Variants in FMN1 observed in about 807,000 individuals in gnomAD.
FMN1 encodes formin 1.
In FMN1, 110 loss-of-function variants were observed where a neutral mutation model predicts 132.4. The ratio of observed to expected loss-of-function variants is 0.83; its 90% CI spans 0.71 to 0.97. The LOEUF (loss-of-function observed/expected upper bound fraction) is 0.97. Among genes scored for constraint, FMN1 ranks in the 50% least tolerant of loss-of-function variants. The pLI is 0.00. For missense variants in FMN1, 1,792 were observed against 1,705.3 expected (o/e 1.05, Z -0.90); for synonymous variants, 722 against 651.7 (o/e 1.11, Z -1.64).
chr15:33,082,907 T>C lies in FMN1; in HGVS notation c.2043+5892A>G, dbSNP rs541959247. Reference sequence around the variant, plus strand: ...AAAAAAACCAAAAAATTTTGTAATATAGGCATGTCCCATACAATATTTGGA... The same window carrying C: ...AAAAAAACCAAAAAATTTTGTAATACAGGCATGTCCCATACAATATTTGGA... On this transcript the variant is annotated intron_variant, in intron 5 of 20. Coordinates refer to ENST00000616417, the MANE Select transcript of FMN1 (RefSeq NM_001277313.2). Among the ~76,000 whole-genome samples, 3 of 152,054 alleles carry C rather than the reference T, an allele frequency of 2.0e-5. No homozygotes were observed. In the South Asian group the frequency reaches 6.2e-4, roughly 31 times the overall value.
intron 18 of FMN1, 133 bp from the exon 19 acceptor site, chr15:32,799,086 G>A: frequency 1.5e-6 from 1 of 670,976 alleles, no homozygotes; most frequent in South Asian, 2.1e-5. Flanking sequence ...GGGGCTCATA[G>A]TTACTGAAGT....
At chr15:32,855,402 T>C (rs1367874206) in intron 17 of FMN1, among the ~76,000 whole-genome samples, 1 of 152,174 alleles carries the variant, frequency 6.6e-6, no homozygotes, top group Admixed American at 6.5e-5. Context: ...ATAAATTCCC[T>C]TTCTCTGAAT....
At chr15:32,976,071 G>A (rs1288557711) in intron 7 of FMN1, among the ~76,000 whole-genome samples, 2 of 152,076 alleles carry the variant, frequency 1.3e-5, no homozygotes, top group Non-Finnish European at 2.9e-5. Flanking sequence ...AAAATCATCC[G>A]TTAGCATTTT....
At chr15:32,950,056 T>TATACAC (rs2061613718) in intron 9 of FMN1, among the ~76,000 whole-genome samples, 1 of 71,680 alleles carries the variant, frequency 1.4e-5, no homozygotes, top group Non-Finnish European at 2.5e-5. Context: ...TATATACACA[T>TATACAC]ATATATATAT....
intron 19 of FMN1, among the ~76,000 whole-genome samples, chr15:32,785,710 CT>C (rs2056855370): frequency 6.6e-6 from 1 of 152,034 alleles, no homozygotes; most frequent in Non-Finnish European, 1.5e-5. Flanking sequence ...AACTTTTGGC[CT>C]CTAATGCTAC....
chr15:33,153,289 T>G lies in FMN1; in HGVS notation c.1626A>C (p.Ala542=). 6.5e-7 allele frequency: 1 copy of G among 1,536,118 alleles called. No homozygotes were observed. Residue 542 remains alanine, a synonymous_variant, in exon 4 of 21, where the codon GCA becomes GCC. Coordinates refer to ENST00000616417, the MANE Select transcript of FMN1 (RefSeq NM_001277313.2). ...QQHHRILRLP[A]LPGEREAALN... Reference sequence around the variant, plus strand: ...GAGCAGCTTCCCTCTCACCAGGCAATGCAGGGAGCCGGAGGATCCTGTGAT... The same window carrying G: ...GAGCAGCTTCCCTCTCACCAGGCAAGGCAGGGAGCCGGAGGATCCTGTGAT...
intron 17 of FMN1, among the ~76,000 whole-genome samples, chr15:32,825,416 G>A (rs1338435037): frequency 6.6e-6 from 1 of 152,186 alleles, no homozygotes; most frequent in Non-Finnish European, 1.5e-5. Flanking sequence ...CCTCAGGGCT[G>A]CCAATCATGG....
Position 33,065,166 on chromosome 15 carries a change from T to C in FMN1, c.2044-92A>G. ...ATGCTAAACCTAATTCTGAAGTTAA[T>C]TTTAATGGCTAGTTGCACATTGCTC... On this transcript the variant is annotated intron_variant, in intron 5 of 20. Coordinates refer to ENST00000616417, the MANE Select transcript of FMN1 (RefSeq NM_001277313.2). 3 of 761,394 alleles carry C rather than the reference T, an allele frequency of 3.9e-6. No homozygotes were observed. In the South Asian group the frequency reaches 6.1e-5, roughly 16 times the overall value. The allele number at this position is 761,394 out of a possible 1,614,324, so 47.2% of individuals were successfully genotyped here. A position where few individuals can be genotyped will look rare whatever the true frequency, so the allele number is the denominator to read the frequency against.
intron 7 of FMN1, among the ~76,000 whole-genome samples, chr15:32,991,986 T>C (rs187771095): frequency 5.9e-5 from 9 of 152,318 alleles, no homozygotes; most frequent in Middle Eastern, 3.4e-3. Flanking sequence ...GTTTTTACCA[T>C]GAACTATAGA....
intron 10 of FMN1, among the ~76,000 whole-genome samples, chr15:32,912,323 C>T (rs1159274918): frequency 6.6e-6 from 1 of 152,058 alleles, no homozygotes; most frequent in African/African-American, 2.4e-5. Context: ...AAAATAACAC[C>T]CAGAGAGGTT....
At chr15:33,146,045 G>T (rs577372090) in intron 4 of FMN1, among the ~76,000 whole-genome samples, 1 of 149,416 alleles carries the variant, frequency 6.7e-6, no homozygotes, top group African/African-American at 2.5e-5. Flanking sequence ...GTGCAATCTC[G>T]GCTCACTGTA....
intron 9 of FMN1, among the ~76,000 whole-genome samples, chr15:32,954,696 C>T (rs966298359): frequency 2.6e-5 from 4 of 152,098 alleles, no homozygotes; most frequent in African/African-American, 9.7e-5. Context: ...CAGACGAATG[C>T]CCATTTATCA....
chr15:32,846,475 C>T (rs1467141927), intron 17 of FMN1, among the ~76,000 whole-genome samples: 6 of 152,208 alleles, frequency 3.9e-5, no homozygotes, highest in Non-Finnish European at 8.8e-5. Context: ...TTCAACATCA[C>T]TGATCATTAG....
chr15:33,096,083 G>C (rs1206484903), intron 4 of FMN1, among the ~76,000 whole-genome samples: 2 of 151,622 alleles, frequency 1.3e-5, no homozygotes, highest in Non-Finnish European at 2.9e-5. Context: ...ATACAATATG[G>C]CTCTGAGTGT....
intron 6 of FMN1, among the ~76,000 whole-genome samples, chr15:33,045,927 G>A (rs2036659480): frequency 6.6e-6 from 1 of 152,158 alleles, no homozygotes; most frequent in Non-Finnish European, 1.5e-5. Flanking sequence ...CCAAAGTGCT[G>A]GGATTACAGG....
chr15:33,005,800 A>C (rs1305213070), intron 7 of FMN1, among the ~76,000 whole-genome samples: 1 of 152,126 alleles, frequency 6.6e-6, no homozygotes, highest in Non-Finnish European at 1.5e-5. Context: ...TCCCCTACCA[A>C]TTTCAGTTCC....
chr15:32,821,944 C>T (rs191511000), intron 17 of FMN1, among the ~76,000 whole-genome samples: 26 of 152,298 alleles, frequency 1.7e-4, no homozygotes, highest in Non-Finnish European at 2.6e-4. Context: ...CATTATCAAA[C>T]ACAAATGCTT....
intron 4 of FMN1, among the ~76,000 whole-genome samples, chr15:33,145,918 C>T (rs951769049): frequency 1.3e-5 from 2 of 151,850 alleles, no homozygotes; most frequent in South Asian, 2.1e-4. Context: ...AGAAAAAATA[C>T]GTGAAATCTG....
chr15:32,952,228 T>A (rs915598672), intron 9 of FMN1, among the ~76,000 whole-genome samples: 17 of 152,228 alleles, frequency 1.1e-4, no homozygotes, highest in African/African-American at 4.1e-4. Context: ...AATGTCTTAC[T>A]AAAGCATTCT....
Sources: gnomAD v4.1 joint callset for allele counts (sites outside exome capture counted in the v4.1 genomes callset) on GRCh38, gnomAD v4.1.1 for gene constraint, MANE v1.5 for transcripts, NCBI Gene and HGNC (gene_info 2026-07-23, HGNC 2026-07-21) for gene names.